The following FSTL5 variants were observed in gnomAD, a reference collection of about 807,000 sequenced individuals.
FSTL5 encodes follistatin-related protein 5.
In FSTL5, 62 loss-of-function variants were observed where a neutral mutation model predicts 89.1. The ratio of observed to expected loss-of-function variants is 0.70; its 90% CI spans 0.57 to 0.86. FSTL5 has a LOEUF of 0.86. FSTL5 is among the 40% of genes least tolerant of loss of function. The pLI, the probability that FSTL5 is intolerant of heterozygous loss-of-function variation, is 0.00. For synonymous variants in FSTL5, 383 were observed against 346.2 expected, an observed-to-expected ratio of 1.11 and a Z score of -1.18; for missense variants, 1,057 against 1,001.6, an observed-to-expected ratio of 1.06 and a Z score of -0.75.
At chr4:161,937,727 C>T (rs142977905) in intron 3 of FSTL5, among the ~76,000 whole-genome samples, 2 of 152,182 alleles carry the variant, frequency 1.3e-5, no homozygotes, top group Non-Finnish European at 1.5e-5. Flanking sequence ...CATTTTTCTC[C>T]CCAAAGAGGT....
chr4:161,741,397 T>G (rs914725094), intron 6 of FSTL5, among the ~76,000 whole-genome samples: 10 of 152,090 alleles, frequency 6.6e-5, no homozygotes, highest in Non-Finnish European at 1.5e-5. Flanking sequence ...TGTTACTGGT[T>G]TTAAAGGTAG....
At chr4:161,761,172 T>C (rs976242126) in intron 5 of FSTL5, among the ~76,000 whole-genome samples, 1 of 152,206 alleles carries the variant, frequency 6.6e-6, no homozygotes, top group Non-Finnish European at 1.5e-5. Flanking sequence ...AAATTGTAGA[T>C]GGCAAGCCCT....
chr4:161,581,113 C>T (rs1733422605), intron 8 of FSTL5, among the ~76,000 whole-genome samples: 1 of 152,134 alleles, frequency 6.6e-6, no homozygotes, highest in Non-Finnish European at 1.5e-5. Context: ...AGAAGGGAAA[C>T]ATATTCCCAC....
At chr4:161,768,406 C>T (rs12646769) in intron 5 of FSTL5, among the ~76,000 whole-genome samples, 31,865 of 151,904 alleles carry the variant, frequency 0.21, 6,155 homozygotes, top group African/African-American at 0.51. Flanking sequence ...AAAATACAAT[C>T]ACACTGTTTT....
intron 8 of FSTL5, among the ~76,000 whole-genome samples, chr4:161,565,115 C>T (rs973292850): frequency 6.6e-6 from 1 of 151,704 alleles, no homozygotes; most frequent in Admixed American, 6.6e-5. Flanking sequence ...AAATGTGGGG[C>T]CGAAAGCAAA....
intron 3 of FSTL5, among the ~76,000 whole-genome samples, chr4:162,015,853 T>C (rs1002179071): frequency 1.3e-4 from 20 of 152,178 alleles, no homozygotes; most frequent in Non-Finnish European, 4.4e-5. Context: ...GAAAGTTTAA[T>C]TGAGACAGGA....
At chr4:162,010,172 T>G (rs1049282842) in intron 3 of FSTL5, among the ~76,000 whole-genome samples, 1 of 152,074 alleles carries the variant, frequency 6.6e-6, no homozygotes. Context: ...ACAACAAGGT[T>G]GTATCAGGCA....
chr4:162,033,402 A>G (rs1578967934), intron 3 of FSTL5, among the ~76,000 whole-genome samples: 2 of 152,166 alleles, frequency 1.3e-5, no homozygotes, highest in African/African-American at 2.4e-5. Flanking sequence ...AAAAAAGTTG[A>G]CGTTTTCAAG....
intron 8 of FSTL5, among the ~76,000 whole-genome samples, chr4:161,567,421 C>T (rs1191270420): frequency 6.6e-6 from 1 of 152,110 alleles, no homozygotes; most frequent in African/African-American, 2.4e-5. Context: ...ATCACATTAA[C>T]CTTCTTTCCA....
At chr4:161,684,810 TG>T (rs754497024) in intron 6 of FSTL5, among the ~76,000 whole-genome samples, 16 of 152,186 alleles carry the variant, frequency 1.1e-4, no homozygotes, top group Non-Finnish European at 1.8e-4. Flanking sequence ...TGCATTTGCT[TG>T]GTCATGAAAT....
chr4:161,399,562 T>C (rs958995546), intron 15 of FSTL5, among the ~76,000 whole-genome samples: 21 of 152,070 alleles, frequency 1.4e-4, no homozygotes, highest in Non-Finnish European at 2.1e-4. Flanking sequence ...CAACCAACTT[T>C]TTTTTTCATA....
chr4:161,907,886 T>A (rs768408987), intron 4 of FSTL5, among the ~76,000 whole-genome samples: 7 of 152,098 alleles, frequency 4.6e-5, no homozygotes, highest in Non-Finnish European at 1.0e-4. Context: ...TTTGCTGCTA[T>A]ATATGGTTCT....
At chr4:161,568,989 T>C (rs1309916933) in intron 8 of FSTL5, among the ~76,000 whole-genome samples, 2 of 152,130 alleles carry the variant, frequency 1.3e-5, no homozygotes, top group East Asian at 1.9e-4. Flanking sequence ...AGTACCCCAG[T>C]TCTGTTATTT....
intron 2 of FSTL5, among the ~76,000 whole-genome samples, chr4:162,096,426 T>C (rs944777289): frequency 6.6e-6 from 1 of 151,594 alleles, no homozygotes; most frequent in Non-Finnish European, 1.5e-5. Context: ...GTAATAGATA[T>C]ATAATCAGAA....
chr4:161,772,376 G>T (rs1274961263), intron 5 of FSTL5, among the ~76,000 whole-genome samples: 1 of 151,566 alleles, frequency 6.6e-6, no homozygotes, highest in Non-Finnish European at 1.5e-5. Flanking sequence ...AATATTAAAG[G>T]GCATGCAAAA....
At chr4:161,918,813 T>C (rs1733911067) in intron 4 of FSTL5, among the ~76,000 whole-genome samples, 1 of 151,846 alleles carries the variant, frequency 6.6e-6, no homozygotes, top group South Asian at 2.1e-4. Flanking sequence ...CCAGCTAATT[T>C]TTGTATTTTT....
At chr4:162,000,365 C>A (rs549022276) in intron 3 of FSTL5, among the ~76,000 whole-genome samples, 1 of 151,732 alleles carries the variant, frequency 6.6e-6, no homozygotes, top group Non-Finnish European at 1.5e-5. Flanking sequence ...CCAAGGTGGG[C>A]GGACTTCCTG....
intron 15 of FSTL5, among the ~76,000 whole-genome samples, chr4:161,423,469 T>TGG (rs1424379499): frequency 6.6e-6 from 1 of 152,222 alleles, no homozygotes; most frequent in Non-Finnish European, 1.5e-5. Flanking sequence ...TTTTTCGTTA[T>TGG]GTTTTTTGAA....
chr4:161,845,593 T>G (rs1731341949), intron 4 of FSTL5, among the ~76,000 whole-genome samples: 1 of 152,242 alleles, frequency 6.6e-6, no homozygotes, highest in Non-Finnish European at 1.5e-5. Flanking sequence ...AGAATACAAA[T>G]GTAATTACAA....
Sources: gnomAD v4.1 joint callset for allele counts (sites outside exome capture counted in the v4.1 genomes callset) on GRCh38, gnomAD v4.1.1 for gene constraint, MANE v1.5 for transcripts, NCBI Gene and HGNC (gene_info 2026-07-23, HGNC 2026-07-21) for gene names.